Variants in TBL1XR1 observed in about 807,000 individuals in gnomAD.
TBL1XR1 encodes F-box-like/WD repeat-containing protein TBL1XR1.
TBL1XR1 carries 5 observed loss-of-function variants against 66.9 expected under a neutral mutation model. The observed-to-expected ratio is 0.07, with a 90% confidence interval of 0.04 to 0.16. The LOEUF (loss-of-function observed/expected upper bound fraction) is 0.16. TBL1XR1 is among the 10% of genes least tolerant of loss of function. TBL1XR1 has a pLI of 1.00. For synonymous variants in TBL1XR1, 210 were observed against 206.0 expected (o/e 1.02, Z -0.17); for missense variants, 238 against 623.2 (o/e 0.38, Z 6.58).
chr3:177,146,233 T>C (rs187619725), intron 1 of TBL1XR1, among the ~76,000 whole-genome samples: 11 of 152,208 alleles, frequency 7.2e-5, no homozygotes, highest in African/African-American at 2.6e-4. Context: ...TGTACAGCAG[T>C]ACATCTTCAC....
chr3:177,130,144 CAA>C (rs779815590), intron 1 of TBL1XR1, among the ~76,000 whole-genome samples: 7 of 89,154 alleles, frequency 7.9e-5, no homozygotes, highest in Admixed American at 1.4e-4. Context: ...GACTCCATCT[CAA>C]AAAAAAAAAA....
Position 177,033,151 on chromosome 3 carries a change from A to C in TBL1XR1, c.1251-15T>G. 6.6e-7 allele frequency: 1 copy of C among 1,505,202 alleles called. No homozygotes were observed. Among genetic ancestry groups the C allele is most frequent in the South Asian group, 1.3e-5 (1 of 74,766 alleles). The allele number at this position is 1,505,202 out of a possible 1,614,324, so 93.2% of individuals were successfully genotyped here. Reference sequence around the variant, plus strand: ...CAAAGGATGCACTGAAAAAGGAAGGAAAGAAAGTTAATTTATAAGTAAGGA... The same window carrying C: ...CAAAGGATGCACTGAAAAAGGAAGGCAAGAAAGTTAATTTATAAGTAAGGA... On this transcript the variant is annotated splice_polypyrimidine_tract_variant and intron_variant, in intron 13 of 15. Coordinates refer to ENST00000457928, the MANE Select transcript of TBL1XR1 (RefSeq NM_024665.7).
intron 1 of TBL1XR1, among the ~76,000 whole-genome samples, chr3:177,169,476 C>T (rs2108919168): frequency 6.6e-6 from 1 of 152,262 alleles, no homozygotes; most frequent in South Asian, 2.1e-4. Context: ...ATGATCATGG[C>T]AGATACATGG....
At chr3:177,051,442 A>G in intron 5 of TBL1XR1, 62 bp downstream of exon 5, 4 of 1,460,762 alleles carry the variant, frequency 2.7e-6, no homozygotes, top group South Asian at 1.4e-5. Flanking sequence ...CCCCGAATTA[A>G]AAGTTTAAAA....
chr3:177,038,260 G>A, intron 11 of TBL1XR1, 53 bp downstream of exon 11: 4 of 1,595,010 alleles, frequency 2.5e-6, no homozygotes, highest in Non-Finnish European at 3.4e-6. Flanking sequence ...AAACTATTCT[G>A]AAACATTACT....
intron 1 of TBL1XR1, chr3:177,196,589 G>C (rs1288710313): frequency 1.3e-5 from 2 of 149,982 alleles, no homozygotes; most frequent in Non-Finnish European, 3.0e-5. Flanking sequence ...CGCGCCCGGG[G>C]AGGGGAGATT....
intron 1 of TBL1XR1, among the ~76,000 whole-genome samples, chr3:177,124,278 G>C (rs1180821949): frequency 6.6e-6 from 1 of 152,022 alleles, no homozygotes; most frequent in Non-Finnish European, 1.5e-5. Flanking sequence ...TCACAAATGT[G>C]AAAGAAAATG....
chr3:177,124,498 T>A (rs1380287959), intron 1 of TBL1XR1, among the ~76,000 whole-genome samples: 1 of 152,130 alleles, frequency 6.6e-6, no homozygotes, highest in Non-Finnish European at 1.5e-5. Context: ...GATTCAAATA[T>A]GTCTAACTAT....
intron 10 of TBL1XR1, among the ~76,000 whole-genome samples, chr3:177,042,692 G>A (rs148429551): frequency 2.6e-5 from 4 of 152,198 alleles, no homozygotes; most frequent in African/African-American, 9.6e-5. Context: ...TGAGAGAAGT[G>A]TGTTCACTAA....
chr3:177,157,835 A>G (rs1426780701), intron 1 of TBL1XR1, among the ~76,000 whole-genome samples: 1 of 152,182 alleles, frequency 6.6e-6, no homozygotes, highest in African/African-American at 2.4e-5. Flanking sequence ...CCAGTTTTAT[A>G]CGTGATCTTC....
intron 1 of TBL1XR1, among the ~76,000 whole-genome samples, chr3:177,186,022 T>C (rs1474341683): frequency 1.3e-5 from 2 of 151,748 alleles, no homozygotes; most frequent in Non-Finnish European, 2.9e-5. Flanking sequence ...AATAAATAAA[T>C]AAATAAATAT....
upstream of TBL1XR1, among the ~76,000 whole-genome samples, chr3:177,198,736 A>G (rs1453897541): frequency 6.6e-6 from 1 of 152,204 alleles, no homozygotes; most frequent in Non-Finnish European, 1.5e-5. Flanking sequence ...AAGCAAAATA[A>G]TGTTTGCAGC....
intron 1 of TBL1XR1, among the ~76,000 whole-genome samples, chr3:177,174,118 T>C (rs141488536): frequency 9.7e-4 from 147 of 152,218 alleles, no homozygotes; most frequent in African/African-American, 3.4e-3. Context: ...TTGGTTAAGG[T>C]TATTATGATG....
rs537107864 is a variant in TBL1XR1, at chr3:177,134,054, T to G, written c.-121-35513A>C. ...CAAAGGACTGGAACATAACTCCAGC[T>G]AGGCAAATCAGACAGTCTCCTAGAT... On this transcript the variant is annotated intron_variant, in intron 1 of 15. Coordinates refer to ENST00000457928, the MANE Select transcript of TBL1XR1 (RefSeq NM_024665.7). 1.6e-4 allele frequency among the ~76,000 whole-genome samples: 25 copies of G among 152,176 alleles called. No homozygotes were observed. In the South Asian group the frequency reaches 5.2e-3, roughly 32 times the overall value.
intron 3 of TBL1XR1, 137 bp from the exon 4 acceptor site, chr3:177,054,055 T>C (rs149515482): frequency 4.1e-5 from 25 of 615,566 alleles, no homozygotes; most frequent in South Asian, 3.4e-4. Context: ...CGTGTGTGTG[T>C]GTGTGTGTGT....
At chr3:177,186,311 T>A (rs1214079151) in intron 1 of TBL1XR1, among the ~76,000 whole-genome samples, 1 of 152,226 alleles carries the variant, frequency 6.6e-6, no homozygotes, top group Non-Finnish European at 1.5e-5. Flanking sequence ...TACATTGTTA[T>A]ATGAATGAGT....
At chr3:177,147,419 A>AT (rs1411596348) in intron 1 of TBL1XR1, among the ~76,000 whole-genome samples, 6 of 152,150 alleles carry the variant, frequency 3.9e-5, no homozygotes, top group East Asian at 1.9e-4. Flanking sequence ...AACTGCACTG[A>AT]TTTTTTCCTA....
intron 1 of TBL1XR1, among the ~76,000 whole-genome samples, chr3:177,178,259 T>G (rs75270559): frequency 6.6e-6 from 1 of 152,074 alleles, no homozygotes; most frequent in Non-Finnish European, 1.5e-5. Flanking sequence ...TTATACTGAG[T>G]GTGATCAAAA....
intron 1 of TBL1XR1, among the ~76,000 whole-genome samples, chr3:177,163,711 G>A (rs1238743900): frequency 7.2e-5 from 11 of 152,092 alleles, no homozygotes; most frequent in Admixed American, 7.2e-4. Context: ...GATGACAGTG[G>A]TTAGCTCTAG....
Sources: gnomAD v4.1 joint callset for allele counts (sites outside exome capture counted in the v4.1 genomes callset) on GRCh38, gnomAD v4.1.1 for gene constraint, MANE v1.5 for transcripts, NCBI Gene and HGNC (gene_info 2026-07-23, HGNC 2026-07-21) for gene names.